The following PRDM16 variants were observed in gnomAD, a reference collection of about 807,000 sequenced individuals.
PRDM16 encodes PR/SET domain 16.
In PRDM16, 23 loss-of-function variants were observed where a neutral mutation model predicts 110.6. The ratio of observed to expected loss-of-function variants is 0.21; its 90% CI spans 0.15 to 0.29. The LOEUF is 0.29. Among genes scored for constraint, PRDM16 ranks in the 10% least tolerant of loss-of-function variants. The pLI is 1.00. For missense variants in PRDM16, 1,615 were observed against 1,794.3 expected, an observed-to-expected ratio of 0.90 and a Z score of 1.81; for synonymous variants, 799 against 781.8, an observed-to-expected ratio of 1.02 and a Z score of -0.37.
At chr1:3,296,614 G>A (rs373263469) in intron 3 of PRDM16, among the ~76,000 whole-genome samples, 1 of 152,272 alleles carries the variant, frequency 6.6e-6, no homozygotes. Context: ...GAGGCCGTGG[G>A]TGCCTGTGAG....
In PRDM16 at chr1:3,391,318, C is replaced by T. The variant is rs1243371467; in HGVS notation, c.574-5173C>T. On this transcript the variant is annotated intron_variant, in intron 4 of 16. Transcript: ENST00000270722. Reference sequence around the variant, plus strand: ...AAATACATGCAGGTTGCTTTGATTCCCATTTTACGGGGCCCCCTTTGGAAC... The same window carrying T: ...AAATACATGCAGGTTGCTTTGATTCTCATTTTACGGGGCCCCCTTTGGAAC... Among the ~76,000 whole-genome samples the T allele has an allele frequency of 2.6e-5, 4 of 152,208 alleles. 1 individual carries two copies. The highest frequency in any genetic ancestry group is 2.6e-4 in the Admixed American group (4 of 15,300).
In PRDM16 at chr1:3,213,359, G is replaced by C. The variant is rs895322259; in HGVS notation, c.387+26885G>C. 3.3e-5 allele frequency among the ~76,000 whole-genome samples: 5 copies of C among 151,968 alleles called. No individual in the cohort carries two copies. Among genetic ancestry groups the C allele is most frequent in the African/African-American group, 9.7e-5 (4 of 41,384 alleles). On this transcript the variant is annotated intron_variant, in intron 2 of 16. Transcript: ENST00000270722. The surrounding 1 kb of genome is among the most constrained non-coding windows in gnomAD (Gnocchi z 5.3). ...AAATCACCCTAACTATTTTGCTGGG[G>C]AGAGGGGTGTGGGGGCGGGATGGCG...
chr1:3,347,231 A>T (rs1642379211), intron 3 of PRDM16, among the ~76,000 whole-genome samples: 1 of 152,242 alleles, frequency 6.6e-6, no homozygotes, highest in Non-Finnish European at 1.5e-5. Flanking sequence ...CACCAGGCAG[A>T]CAGGCAGAGG....
chr1:3,405,567 C>T lies in PRDM16; in HGVS notation c.1105C>T (p.Pro369Ser). The T allele has an allele frequency of 6.2e-7, 1 of 1,611,206 alleles. No homozygotes were observed. The highest frequency in any genetic ancestry group is 2.2e-5 in the East Asian group (1 of 44,698). The change falls in exon 8 of 17, where the codon CCC (proline) becomes TCC (serine). Residue 369 changes from proline (P) to serine (S), a missense_variant. By Grantham distance (74) the Pro-to-Ser change is moderately conservative. Transcript: ENST00000270722. Reference sequence around the variant, plus strand: ...CGTGGGCGCTCGGGCCCACGCCTGCCCCGACTGCGGGAAGACCTTCGCCAC... The same window carrying T: ...CGTGGGCGCTCGGGCCCACGCCTGCTCCGACTGCGGGAAGACCTTCGCCAC... ...QHVGARAHAC[P>S]DCGKTFATSS...
intron 5 of PRDM16, among the ~76,000 whole-genome samples, chr1:3,401,487 A>G (rs1459990449): frequency 6.6e-6 from 1 of 152,132 alleles, no homozygotes; most frequent in Non-Finnish European, 1.5e-5. Flanking sequence ...ATGCATACAC[A>G]CATCACATGC....
chr1:3,170,566 C>T (rs536881702), intron 1 of PRDM16, among the ~76,000 whole-genome samples: 1 of 152,318 alleles, frequency 6.6e-6, no homozygotes, highest in East Asian at 1.9e-4. Flanking sequence ...CAGACCCTGC[C>T]CTGGCTGCGA....
intron 5 of PRDM16, 46 bp downstream of exon 5, chr1:3,396,639 A>G: frequency 1.3e-6 from 1 of 797,982 alleles, no homozygotes; most frequent in Non-Finnish European, 2.0e-6. Flanking sequence ...GGGAGCCCCC[A>G]GCCAGCCCGG....
chr1:3,423,635 G>C (rs1334781479), intron 12 of PRDM16, among the ~76,000 whole-genome samples: 1 of 152,208 alleles, frequency 6.6e-6, no homozygotes, highest in African/African-American at 2.4e-5. Flanking sequence ...GTCGGGGCGG[G>C]GTGGGGCCTC....
intron 3 of PRDM16, among the ~76,000 whole-genome samples, chr1:3,351,613 C>CTCCT (rs1557626984): frequency 3.9e-5 from 2 of 51,328 alleles, no homozygotes; most frequent in Non-Finnish European, 4.2e-5. Flanking sequence ...CCTCTCTCTC[C>CTCCT]CCCTCCCTCT....
intron 3 of PRDM16, among the ~76,000 whole-genome samples, chr1:3,269,184 C>A (rs900103807): frequency 6.6e-6 from 1 of 152,266 alleles, no homozygotes; most frequent in African/African-American, 2.4e-5. Context: ...CTGGTTCAGT[C>A]CCAAGGAGCA....
At position 3,126,523 on chromosome 1, in the gene PRDM16, C is replaced by T. The variant is rs567218087; in HGVS notation, c.37+57227C>T. 9.8e-5 allele frequency among the ~76,000 whole-genome samples: 15 copies of T among 152,294 alleles called. No homozygotes were observed. The East Asian group carries it at 1.6e-3, about 16-fold the overall frequency. ...GATCAGGTGGACCCAGACCCTGCTG[C>T]GGTTCCTGGAATCCCTAGATGAGCT... On this transcript the variant is annotated intron_variant, in intron 1 of 16. Transcript: ENST00000270722.
At chr1:3,123,495 C>T (rs749115258) in intron 1 of PRDM16, among the ~76,000 whole-genome samples, 1 of 152,198 alleles carries the variant, frequency 6.6e-6, no homozygotes, top group Non-Finnish European at 1.5e-5. Flanking sequence ...GGCAGCCATT[C>T]GGCTACATAA....
intron 3 of PRDM16, among the ~76,000 whole-genome samples, chr1:3,294,309 G>A (rs1007206155): frequency 3.9e-5 from 6 of 152,098 alleles, no homozygotes; most frequent in African/African-American, 1.2e-4. Flanking sequence ...GGGCACCCCC[G>A]GACTTCTCCC....
At chr1:3,341,568 C>T (rs1046019649) in intron 3 of PRDM16, among the ~76,000 whole-genome samples, 3 of 152,230 alleles carry the variant, frequency 2.0e-5, no homozygotes, top group Non-Finnish European at 2.9e-5. Flanking sequence ...CACACACACG[C>T]GTGCGCACAC....
chr1:3,405,701 G>A, intron 8 of PRDM16, 53 bp downstream of exon 8: 1 of 1,496,190 alleles, frequency 6.7e-7, no homozygotes. Flanking sequence ...GGATGCCGTG[G>A]CGGTCGGGCC....
chr1:3,161,904 T>C (rs983521018), intron 1 of PRDM16, among the ~76,000 whole-genome samples: 4 of 152,110 alleles, frequency 2.6e-5, no homozygotes, highest in African/African-American at 9.7e-5. Flanking sequence ...ACAAAAACAG[T>C]GGAGATGATT....
chr1:3,084,496 G>A (rs1301064743), intron 1 of PRDM16, among the ~76,000 whole-genome samples: 1 of 152,138 alleles, frequency 6.6e-6, no homozygotes, highest in African/African-American at 2.4e-5. Flanking sequence ...GGGGGCGAGG[G>A]GCCACAGCAA....
At position 3,181,485 on chromosome 1, in the gene PRDM16, CACAGCCTT is replaced by C. The variant is rs1479337923; in HGVS notation, c.38-4637_38-4630del. On this transcript the variant is annotated intron_variant, in intron 1 of 16. Coordinates refer to ENST00000270722, the MANE Select transcript of PRDM16 (RefSeq NM_022114.4). ...ACGGTCTTACACACGCAGTCTTACA[CACAGCCTT>C]ACGCATGGTCTTACACACGCAGTCT... Among the ~76,000 whole-genome samples the C allele has an allele frequency of 1.3e-3, 90 of 67,380 alleles. 19 individuals carry two copies. Among genetic ancestry groups the C allele is most frequent in the Non-Finnish European group, 2.2e-3 (61 of 28,058 alleles). 44.2% of individuals were successfully genotyped at this position (67,380 alleles called of 152,430 possible).
intron 3 of PRDM16, among the ~76,000 whole-genome samples, chr1:3,344,660 C>G (rs1417576253): frequency 6.6e-6 from 1 of 152,178 alleles, no homozygotes; most frequent in Non-Finnish European, 1.5e-5. Context: ...TTGTATTCCT[C>G]TGAAAAGTTT....
Sources: gnomAD v4.1 joint callset for allele counts (sites outside exome capture counted in the v4.1 genomes callset) on GRCh38, gnomAD v4.1.1 for gene constraint, Gnocchi (gnomAD v3.1) non-coding constraint, MANE v1.5 for transcripts, NCBI Gene and HGNC (gene_info 2026-07-23, HGNC 2026-07-21) for gene names.